The following RPTOR variants were observed in gnomAD, a reference collection of about 807,000 sequenced individuals.
The protein encoded by RPTOR is regulatory-associated protein of mTOR.
A neutral mutation model predicts 169.9 loss-of-function variants in RPTOR; 21 were observed. The observed-to-expected ratio is 0.12, with a 90% CI of 0.09 to 0.18. RPTOR has a LOEUF of 0.18. RPTOR is among the 10% of genes least tolerant of loss of function. The pLI is 1.00. For synonymous variants in RPTOR, 732 were observed against 753.2 expected (o/e 0.97, Z 0.46); for missense variants, 1,133 against 1,855.9 (o/e 0.61, Z 7.16).
chr17:80,961,629 C>A (rs2069342901), intron 31 of RPTOR, 149 bp downstream of exon 31: 2 of 916,090 alleles, frequency 2.2e-6, no homozygotes, highest in Admixed American at 2.7e-5. Context: ...CCAGAAAGAT[C>A]AGGCGCAGCC....
intron 1 of RPTOR, among the ~76,000 whole-genome samples, chr17:80,554,863 A>G (rs958111341): frequency 1.3e-5 from 2 of 152,250 alleles, no homozygotes; most frequent in African/African-American, 4.8e-5. Flanking sequence ...AAGCCACCTG[A>G]GACAAGTGAC....
At chr17:80,734,803 C>A (rs909977634) in intron 5 of RPTOR, among the ~76,000 whole-genome samples, 1 of 152,180 alleles carries the variant, frequency 6.6e-6, no homozygotes, top group South Asian at 2.1e-4. Flanking sequence ...GGCTCCAAGA[C>A]ATTCGGGGAA....
At chr17:80,647,310 A>G (rs1275013832) in intron 3 of RPTOR, among the ~76,000 whole-genome samples, 1 of 152,268 alleles carries the variant, frequency 6.6e-6, no homozygotes, top group Non-Finnish European at 1.5e-5. Flanking sequence ...ATTCTGCAGT[A>G]AAACCTCACT....
intron 3 of RPTOR, among the ~76,000 whole-genome samples, chr17:80,697,824 C>T (rs2066050039): frequency 6.6e-6 from 1 of 152,150 alleles, no homozygotes; most frequent in Non-Finnish European, 1.5e-5. Flanking sequence ...AAGGCTCTGA[C>T]AGAATGGGGG....
intron 2 of RPTOR, among the ~76,000 whole-genome samples, chr17:80,637,542 T>C (rs2065517677): frequency 6.6e-6 from 1 of 152,226 alleles, no homozygotes; most frequent in African/African-American, 2.4e-5. Context: ...TTTTGTTTTA[T>C]GGCCCGACAT....
chr17:80,738,014 A>C (rs2066448912), intron 5 of RPTOR, among the ~76,000 whole-genome samples: 1 of 147,114 alleles, frequency 6.8e-6, no homozygotes, highest in African/African-American at 2.4e-5. Flanking sequence ...TGAGAGGTTA[A>C]GAGGGTGGGG....
intron 1 of RPTOR, among the ~76,000 whole-genome samples, chr17:80,561,398 G>A (rs894453024): frequency 4.0e-5 from 6 of 150,492 alleles, no homozygotes; most frequent in South Asian, 2.1e-4. Context: ...CATGAGCCAC[G>A]CACCCAGCCC....
At chr17:80,729,042 G>A (rs374778693) in intron 4 of RPTOR, among the ~76,000 whole-genome samples, 4 of 152,178 alleles carry the variant, frequency 2.6e-5, no homozygotes, top group Admixed American at 2.0e-4. Context: ...CATCTGCGTC[G>A]TTGGTATACT....
chr17:80,571,442 T>C (rs1054711661), intron 1 of RPTOR, among the ~76,000 whole-genome samples: 1 of 152,206 alleles, frequency 6.6e-6, no homozygotes, highest in African/African-American at 2.4e-5. Context: ...TAGGACTTCT[T>C]TATGTGTTGC....
At chr17:80,631,649 C>A (rs1240197133) in intron 2 of RPTOR, among the ~76,000 whole-genome samples, 1 of 152,172 alleles carries the variant, frequency 6.6e-6, no homozygotes, top group Non-Finnish European at 1.5e-5. Flanking sequence ...GCCACTCTTT[C>A]CCCCCAGCTT....
intron 17 of RPTOR, among the ~76,000 whole-genome samples, chr17:80,888,039 G>A (rs1214556701): frequency 4.6e-5 from 7 of 152,330 alleles, no homozygotes; most frequent in South Asian, 4.1e-4. Flanking sequence ...CGGGCTCAGC[G>A]GGGCTTGGAT....
At chr17:80,824,454 A>T (rs2067416568) in intron 9 of RPTOR, among the ~76,000 whole-genome samples, 2 of 152,274 alleles carry the variant, frequency 1.3e-5, no homozygotes, top group Admixed American at 1.3e-4. Flanking sequence ...TAAAATGAAC[A>T]TTTTTTAAAA....
intron 3 of RPTOR, among the ~76,000 whole-genome samples, chr17:80,665,422 C>T (rs1452146759): frequency 1.1e-3 from 13 of 11,740 alleles, no homozygotes; most frequent in South Asian, 2.2e-3. Context: ...CCTTTCCTTT[C>T]CTTTCCTTTC....
At position 80,947,492 on chromosome 17, in the gene RPTOR, G is replaced by A. The variant is rs2069117974; in HGVS notation, c.3265+141G>A. On this transcript the variant is annotated intron_variant, in intron 27 of 33. Coordinates refer to ENST00000306801, the MANE Select transcript of RPTOR (RefSeq NM_020761.3). The surrounding 1 kb of genome is among the most constrained non-coding windows in gnomAD (Gnocchi z 4.4). ...GCGAGGGCCACTGTCATTCAGAAGT[G>A]GGGAGGTTTATGAGGGAAAGGGCTT... 8.4e-7 allele frequency: 1 copy of A among 1,191,050 alleles called. No homozygotes were observed. 73.8% of individuals were successfully genotyped at this position (1,191,050 alleles called of 1,614,324 possible).
chr17:80,918,087 C>T (rs1192764197), intron 21 of RPTOR, among the ~76,000 whole-genome samples: 1 of 152,238 alleles, frequency 6.6e-6, no homozygotes, highest in Admixed American at 6.5e-5. Context: ...ACAGCCTGGA[C>T]ACATGTCACA....
At chr17:80,930,468 C>T (rs1207393266) in intron 24 of RPTOR, among the ~76,000 whole-genome samples, 12 of 40,944 alleles carry the variant, frequency 2.9e-4, no homozygotes, top group South Asian at 8.5e-4. Context: ...CCCAGCTCAT[C>T]CCCAGCTCAT....
intron 3 of RPTOR, among the ~76,000 whole-genome samples, chr17:80,679,827 C>T (rs1481555816): frequency 6.6e-6 from 1 of 152,242 alleles, no homozygotes; most frequent in South Asian, 2.1e-4. Flanking sequence ...CCTTTCTCTG[C>T]TTTCTCTTCT....
At chr17:80,811,279 G>A (rs2067269483) in intron 7 of RPTOR, among the ~76,000 whole-genome samples, 1 of 152,136 alleles carries the variant, frequency 6.6e-6, no homozygotes, top group South Asian at 2.1e-4. Flanking sequence ...AGTTTTCTGA[G>A]AGTTTTTCTC....
intron 6 of RPTOR, among the ~76,000 whole-genome samples, chr17:80,788,739 A>G (rs575801083): frequency 6.6e-6 from 1 of 152,378 alleles, no homozygotes; most frequent in South Asian, 2.1e-4. Flanking sequence ...AAATCAGTAT[A>G]AAAGACAGAA....
Sources: gnomAD v4.1 joint callset for allele counts (sites outside exome capture counted in the v4.1 genomes callset) on GRCh38, gnomAD v4.1.1 for gene constraint, Gnocchi (gnomAD v3.1) non-coding constraint, MANE v1.5 for transcripts, NCBI Gene and HGNC (gene_info 2026-07-23, HGNC 2026-07-21) for gene names.